ARAP2: variants seen among roughly 807,000 people sequenced by gnomAD.
ARAP2 encodes the protein arf-GAP with Rho-GAP domain, ANK repeat and PH domain-containing protein 2.
Under a neutral mutation model 194.5 loss-of-function variants are expected in ARAP2, and 148 were observed. The ratio of observed to expected loss-of-function variants is 0.76; its 90% CI spans 0.67 to 0.87. The LOEUF (loss-of-function observed/expected upper bound fraction) is 0.87, where lower values mean the gene tolerates loss of function less well. ARAP2 is among the 40% of genes least tolerant of loss of function. The probability of loss-of-function intolerance (pLI) is 0.00; values close to 1 mark genes in which losing one functional copy is unlikely to be tolerated. For synonymous variants in ARAP2, 695 were observed against 683.5 expected (o/e 1.02, Z -0.26); for missense variants, 2,128 against 1,989.7 (o/e 1.07, Z -1.32).
Position 36,183,759 on chromosome 4 carries a change from T to G in ARAP2, c.1678+3692A>C, listed in dbSNP as rs538105156. Among the ~76,000 whole-genome samples, 88 of 152,316 alleles carry G rather than the reference T, an allele frequency of 5.8e-4. 1 individual carries two copies. The highest frequency in any genetic ancestry group is 5.9e-5 in the Non-Finnish European group (4 of 68,030). On this transcript the variant is annotated intron_variant, in intron 8 of 32. Transcript: ENST00000303965. ...TCACTTGCAACTAAGAGAAGAACAA[T>G]GTTTCATTAGGAAATTAGCCGGGGA...
chr4:36,079,512 A>T (rs1257336189), intron 31 of ARAP2, among the ~76,000 whole-genome samples: 1 of 152,152 alleles, frequency 6.6e-6, no homozygotes, highest in Non-Finnish European at 1.5e-5. Context: ...GAGAAGCATT[A>T]TTGGGAATTT....
intron 28 of ARAP2, among the ~76,000 whole-genome samples, chr4:36,090,532 A>G (rs1265044835): frequency 6.6e-6 from 1 of 152,176 alleles, no homozygotes; most frequent in East Asian, 1.9e-4. Context: ...TGAATTCACC[A>G]GCACACCAAA....
intron 15 of ARAP2, among the ~76,000 whole-genome samples, chr4:36,155,633 CTTTTTTA>C (rs1396443133): frequency 1.3e-5 from 2 of 150,752 alleles, no homozygotes; most frequent in African/African-American, 2.4e-5. Context: ...ACAAGAAGGT[CTTTTTTA>C]TTTTTTATTT....
In ARAP2 at chr4:36,203,773, A is replaced by G. The variant is rs966305276; in HGVS notation, c.1487+6617T>C. The stretch of plus-strand genomic sequence containing the variant: ...CCCATCAGAGCCTACGGTGCTTCCG[A>G]TCAGTTTTGCAGTATTTTACTCTAA... On this transcript the variant is annotated intron_variant, in intron 6 of 32. Coordinates refer to ENST00000303965, the MANE Select transcript of ARAP2 (RefSeq NM_015230.4). Among the ~76,000 whole-genome samples, 6 of 152,230 alleles carry G rather than the reference A, an allele frequency of 3.9e-5. No individual in the cohort carries two copies. The East Asian group carries it at 1.2e-3, about 29-fold the overall frequency.
intron 2 of ARAP2, among the ~76,000 whole-genome samples, chr4:36,057,116 C>T (rs1035069433): frequency 6.6e-6 from 1 of 151,436 alleles, no homozygotes; most frequent in Admixed American, 6.6e-5. Context: ...CTTTATTTTG[C>T]CATCTCTTTC....
rs561523088 is a variant in ARAP2 at position 36,072,676 on chromosome 4, A to AG, written c.4743+1012_4743+1013insC. Among the ~76,000 whole-genome samples the AG allele has an allele frequency of 1.8e-3, 268 of 150,770 alleles. 1 individual carries two copies. The highest frequency in any genetic ancestry group is 6.3e-3 in the African/African-American group (258 of 41,268). ...ATTACCTAAAAAAAAACAAAAAAAA[A>AG]ACCCCAAAAAAAACAAAAAAAAAAA... On this transcript the variant is annotated intron_variant, in intron 32 of 32. Transcript: ENST00000303965.
chr4:36,187,495 A>G lies in ARAP2; in HGVS notation c.1634T>C (p.Val545Ala). The change falls in exon 8 of 33, where the codon GTT (valine) becomes GCT (alanine). Residue 545 changes from valine (V) to alanine (A), a missense_variant. Physicochemically the swap from Val to Ala is moderately conservative, Grantham distance 64. Coordinates refer to ENST00000303965, the MANE Select transcript of ARAP2 (RefSeq NM_015230.4). ...AACAAAAGTTCTTTGTGTTGTAACA[A>G]CTTCAAATTTGTTGTCTCCTTGAAC... Reference protein sequence around the residue: ...VRVQGDNKFEVVTTQRTFVFR... With the variant: ...VRVQGDNKFEAVTTQRTFVFR... The G allele has an allele frequency of 6.5e-7, 1 of 1,531,184 alleles. No homozygotes were observed. The highest frequency in any genetic ancestry group is 8.8e-7 in the Non-Finnish European group (1 of 1,130,722). 94.8% of individuals were successfully genotyped at this position (1,531,184 alleles called of 1,614,324 possible).
chr4:36,062,637 T>A (rs199874393), downstream of ARAP2, among the ~76,000 whole-genome samples: 237 of 147,328 alleles, frequency 1.6e-3, 1 homozygote, highest in Middle Eastern at 7.0e-3. Context: ...TGTGAGAGTG[T>A]GTGTGTGTGT....
intron 6 of ARAP2, among the ~76,000 whole-genome samples, chr4:36,201,637 C>A (rs1334875313): frequency 6.6e-6 from 1 of 152,158 alleles, no homozygotes; most frequent in East Asian, 1.9e-4. Context: ...TTCATAAAAA[C>A]AGCTTCACCA....
rs371532699 is a variant in ARAP2, at chr4:36,160,480, G to A, written c.2421C>T (p.Leu807=). The A allele has an allele frequency of 1.4e-4, 215 of 1,558,982 alleles. No homozygotes were observed. Among genetic ancestry groups the A allele is most frequent in the Non-Finnish European group, 1.8e-4 (207 of 1,159,234 alleles). ...GKFRKTLLAS[L]TKEELNKALC... is the part of the protein sequence containing the mutation. Reference sequence around the variant, plus strand: ...ATACCTTATTTAATTCTTCTTTGGTGAGAGATGCCAAAAGAGTTTTTCTGA... The same window carrying A: ...ATACCTTATTTAATTCTTCTTTGGTAAGAGATGCCAAAAGAGTTTTTCTGA... Residue 807 remains leucine, a synonymous_variant, in exon 13 of 33, where the codon CTC becomes CTT. Coordinates refer to ENST00000303965, the MANE Select transcript of ARAP2 (RefSeq NM_015230.4).
rs1004419037 is a variant in ARAP2 at position 36,244,362 on chromosome 4, G to A, written c.-343C>T. On this transcript the variant is annotated 5_prime_UTR_variant, in exon 1 of 33. Coordinates refer to ENST00000303965, the MANE Select transcript of ARAP2 (RefSeq NM_015230.4). ...CTGCTGCCTGGCGGCGGCCGCGCGGGCGGCGCTGTTAGTGGGGCCGGCGTG... is the reference window on the plus strand; with the variant it reads ...CTGCTGCCTGGCGGCGGCCGCGCGGACGGCGCTGTTAGTGGGGCCGGCGTG... 5.9e-5 allele frequency: 9 copies of A among 151,388 alleles called. No homozygotes were observed. The East Asian group carries it at 7.8e-4, about 13-fold the overall frequency. The allele number at this position is 151,388 out of a possible 1,614,324, so 9.4% of individuals were successfully genotyped here.
chr4:36,016,265 T>C (rs10049655), intron 6 of ARAP2, among the ~76,000 whole-genome samples: 69,413 of 151,898 alleles, frequency 0.46, 16,923 homozygotes, highest in African/African-American at 0.62. Context: ...TTATTATGGG[T>C]GTATATGTAC....
At chr4:36,161,394 C>G (rs1733910620) in intron 12 of ARAP2, 71 bp downstream of exon 12, 1 of 1,322,460 alleles carries the variant, frequency 7.6e-7, no homozygotes, top group Non-Finnish European at 1.1e-6. Flanking sequence ...CCCAAACCCA[C>G]AGCAAACCTC....
chr4:36,057,346 AG>A (rs1289885610), intron 2 of ARAP2, among the ~76,000 whole-genome samples: 1 of 150,296 alleles, frequency 6.7e-6, no homozygotes, highest in Non-Finnish European at 1.5e-5. Flanking sequence ...AATTTTGTGT[AG>A]GTTTTTTTTT....
chr4:36,096,639 C>T (rs1715399582), intron 27 of ARAP2, among the ~76,000 whole-genome samples: 1 of 152,072 alleles, frequency 6.6e-6, no homozygotes, highest in Admixed American at 6.6e-5. Flanking sequence ...TTTCATGATA[C>T]ACATACTGAC....
intron 19 of ARAP2, among the ~76,000 whole-genome samples, chr4:36,143,874 G>A (rs905943827): frequency 1.3e-5 from 2 of 151,818 alleles, no homozygotes; most frequent in Admixed American, 1.3e-4. Context: ...GTTATTAACT[G>A]TCTGTGACCA....
intron 27 of ARAP2, among the ~76,000 whole-genome samples, chr4:36,093,822 T>C (rs1714434016): frequency 6.6e-6 from 1 of 152,168 alleles, no homozygotes; most frequent in African/African-American, 2.4e-5. Context: ...TTCATGTCTG[T>C]GTGTACCCAA....
Position 36,172,272 on chromosome 4 carries a change from A to G in ARAP2, c.1858-5225T>C, listed in dbSNP as rs1313867492. 2.6e-5 allele frequency among the ~76,000 whole-genome samples: 4 copies of G among 152,202 alleles called. No homozygotes were observed. In the East Asian group the frequency reaches 7.7e-4, roughly 29 times the overall value. ...GCCTAGGGAGAATCGAAGCTGACCC[A>G]TTTACTGGCTGTTTGATCACTGGCA... On this transcript the variant is annotated intron_variant, in intron 9 of 32. Coordinates refer to ENST00000303965, the MANE Select transcript of ARAP2 (RefSeq NM_015230.4).
At position 36,162,514 on chromosome 4, in the gene ARAP2, T is replaced by C. The variant is rs75167028; in HGVS notation, c.2174-964A>G. 3.0e-4 allele frequency among the ~76,000 whole-genome samples: 46 copies of C among 152,188 alleles called. 1 individual carries two copies. In the East Asian group the frequency reaches 6.0e-3, roughly 20 times the overall value. ...TCAAAGCTGAGAAGGAAAAAAAGTG[T>C]ACAGTCCACTATCCTTGATCTTAAG... On this transcript the variant is annotated intron_variant, in intron 11 of 32. Coordinates refer to ENST00000303965, the MANE Select transcript of ARAP2 (RefSeq NM_015230.4).
Sources: gnomAD v4.1 joint callset for allele counts (sites outside exome capture counted in the v4.1 genomes callset) on GRCh38, gnomAD v4.1.1 for gene constraint, MANE v1.5 for transcripts, NCBI Gene and HGNC (gene_info 2026-07-23, HGNC 2026-07-21) for gene names.